INPP5F: variants seen among roughly 807,000 people sequenced by gnomAD.
INPP5F encodes the protein phosphatidylinositide 4-phosphatase SAC2.
A neutral mutation model predicts 137.2 loss-of-function variants in INPP5F; 97 were observed. The observed-to-expected ratio is 0.71, with a 90% CI of 0.60 to 0.84. The LOEUF is 0.84. INPP5F is among the 40% of genes least tolerant of loss of function. The probability of loss-of-function intolerance (pLI) is 0.00; values close to 1 mark genes in which losing one functional copy is unlikely to be tolerated. For missense variants in INPP5F, 1,271 were observed against 1,371.9 expected (o/e 0.93, Z 1.16); for synonymous variants, 504 against 476.9 (o/e 1.06, Z -0.74).
At chr10:119,808,606 G>A (rs1850897133) in intron 13 of INPP5F, among the ~76,000 whole-genome samples, 1 of 152,170 alleles carries the variant, frequency 6.6e-6, no homozygotes, top group Non-Finnish European at 1.5e-5. Flanking sequence ...CGTAAATGCG[G>A]AAGAAATGTT....
In INPP5F at chr10:119,748,420, G is replaced by A. The variant is rs570254704; in HGVS notation, c.98-2656G>A. Among the ~76,000 whole-genome samples the A allele has an allele frequency of 1.1e-4, 16 of 152,318 alleles. No homozygotes were observed. Among genetic ancestry groups the A allele is most frequent in the African/African-American group, 3.8e-4 (16 of 41,570 alleles). ...GCCCACAACCTGGTGAGCAGGGGGC[G>A]TGTTTTGGTCCTGTTTGTGTTACAG... On this transcript the variant is annotated intron_variant, in intron 1 of 19. Transcript: ENST00000650623. This position sits in a 1 kb window ranked among gnomAD's most constrained non-coding sequence, Gnocchi z 4.7.
At chr10:119,775,604 A>G (rs977925282) in intron 2 of INPP5F, among the ~76,000 whole-genome samples, 1 of 152,078 alleles carries the variant, frequency 6.6e-6, no homozygotes, top group Non-Finnish European at 1.5e-5. Flanking sequence ...CCCAAAGCCC[A>G]TGGGGTTTCT....
At position 119,810,167 on chromosome 10, in the gene INPP5F, AC is replaced by A; in HGVS notation, c.1638del (p.Asn546LysfsTer17). ...GVMKDGVNSA[N>X]RYYLNRFKDA... Reference sequence around the variant, plus strand: ...ATGAAAGATGGAGTGAACTCAGCAAACAGATATTACCTCAACCGATTTAAGG... The same window carrying A: ...ATGAAAGATGGAGTGAACTCAGCAAAAGATATTACCTCAACCGATTTAAGG... On this transcript the variant is annotated frameshift_variant, in exon 14 of 20. Coordinates refer to ENST00000650623, the MANE Select transcript of INPP5F (RefSeq NM_014937.4). LOFTEE classifies it high-confidence loss of function. The A allele has an allele frequency of 8.1e-6, 13 of 1,613,294 alleles. No homozygotes were observed. The highest frequency in any genetic ancestry group is 1.1e-5 in the Non-Finnish European group (13 of 1,179,368).
intron 2 of INPP5F, among the ~76,000 whole-genome samples, chr10:119,764,796 T>C (rs1229100036): frequency 1.3e-5 from 2 of 152,172 alleles, no homozygotes; most frequent in Non-Finnish European, 2.9e-5. Context: ...TTGGCTGGTC[T>C]TGAACTCCTG....
rs1851838253 is a variant in INPP5F at position 119,827,900 on chromosome 10, G to T, written c.*120G>T. 3 of 800,878 alleles carry T rather than the reference G, an allele frequency of 3.7e-6. No homozygotes were observed. In the African/African-American group the frequency reaches 5.2e-5, roughly 14 times the overall value. 49.6% of individuals were successfully genotyped at this position (800,878 alleles called of 1,614,324 possible). On this transcript the variant is annotated 3_prime_UTR_variant, in exon 20 of 20. Coordinates refer to ENST00000650623, the MANE Select transcript of INPP5F (RefSeq NM_014937.4). The stretch of plus-strand genomic sequence containing the variant: ...TCACAAATTCTGTTCATTGGAAAGG[G>T]TTTTAAACGGAGTCGGAACCTGAGT...
chr10:119,745,267 G>T (rs943367469), intron 1 of INPP5F, among the ~76,000 whole-genome samples: 4 of 151,730 alleles, frequency 2.6e-5, no homozygotes, highest in Non-Finnish European at 5.9e-5. Context: ...ATCTCCTCCT[G>T]TGGATTCTTC....
At chr10:119,789,425 G>A (rs961286828) in intron 3 of INPP5F, among the ~76,000 whole-genome samples, 11 of 152,106 alleles carry the variant, frequency 7.2e-5, no homozygotes, top group Non-Finnish European at 1.3e-4. Context: ...AGTAGCAGGA[G>A]ACCAAAGGGA....
In INPP5F at chr10:119,797,552, C is replaced by A. The variant is rs761237711; in HGVS notation, c.960C>A (p.Thr320=). 6.2e-7 allele frequency: 1 copy of A among 1,612,702 alleles called. No homozygotes were observed. The highest frequency in any genetic ancestry group is 2.2e-5 in the East Asian group (1 of 44,874). ...TEQLIHVHNH[T]LSFVQTRGSV... ...AGTTGATTCATGTTCATAATCATACCCTGTCATTTGTTCAAACACGAGGCT... is the reference window on the plus strand; with the variant it reads ...AGTTGATTCATGTTCATAATCATACACTGTCATTTGTTCAAACACGAGGCT... The change falls in exon 8 of 20, where the codon ACC becomes ACA. Residue 320 remains threonine, a synonymous_variant. Coordinates refer to ENST00000650623, the MANE Select transcript of INPP5F (RefSeq NM_014937.4).
chr10:119,790,350 G>T (rs1304545441), intron 3 of INPP5F, among the ~76,000 whole-genome samples: 12 of 152,150 alleles, frequency 7.9e-5, no homozygotes, highest in Non-Finnish European at 1.5e-5. Context: ...GGAGTATAAA[G>T]CTTTTCTCCC....
At chr10:119,812,756 G>A (rs541745371) in intron 15 of INPP5F, among the ~76,000 whole-genome samples, 1 of 152,238 alleles carries the variant, frequency 6.6e-6, no homozygotes, top group South Asian at 2.1e-4. Flanking sequence ...ATACTGTTAT[G>A]TATGGATATA....
intron 11 of INPP5F, 57 bp downstream of exon 11, chr10:119,805,518 A>G: frequency 8.6e-7 from 1 of 1,165,974 alleles, no homozygotes; most frequent in East Asian, 2.3e-5. Context: ...AAATAGTACC[A>G]CTGAGCATTA....
Position 119,804,272 on chromosome 10 carries a change from G to A in INPP5F, c.1216G>A (p.Val406Ile), listed in dbSNP as rs757576411. 2.6e-5 allele frequency: 42 copies of A among 1,611,514 alleles called. No individual in the cohort carries two copies. Among genetic ancestry groups the A allele is most frequent in the Non-Finnish European group, 3.2e-5 (38 of 1,179,456 alleles). The change falls in exon 10 of 20, where the codon GTT (valine) becomes ATT (isoleucine). Residue 406 changes from valine (V) to isoleucine (I), a missense_variant. Val to Ile is a conservative substitution (Grantham distance 29). This residue lies in a region of INPP5F where 593 missense variants were observed against 712.4 expected (regional missense o/e 0.83). Transcript: ENST00000650623. ...LLFNNSHLTY[V>I]SFDFHEHCRG... is the part of the protein sequence containing the mutation. ...TTTCAACAACTCACACCTCACTTAC[G>A]TTTCGTTTGACTTCCATGAGCACTG...
At chr10:119,797,435 T>C (rs1489418315) in intron 7 of INPP5F, 26 bp from the exon 8 acceptor site, 1 of 1,554,408 alleles carries the variant, frequency 6.4e-7, no homozygotes, top group East Asian at 2.3e-5. Flanking sequence ...AAAATGTTGC[T>C]GTTTTCTGTT....
chr10:119,781,884 T>C, intron 3 of INPP5F, 113 bp downstream of exon 3: 1 of 821,956 alleles, frequency 1.2e-6, no homozygotes, highest in Non-Finnish European at 1.8e-6. Flanking sequence ...GTAATGTTTT[T>C]AAAATAATTT....
intron 1 of INPP5F, 88 bp from the exon 2 acceptor site, chr10:119,750,988 G>T (rs1354085656): frequency 2.3e-6 from 2 of 860,954 alleles, no homozygotes; most frequent in South Asian, 1.4e-5. Context: ...TTGGGACATT[G>T]ATTTTTTTTC....
chr10:119,795,448 G>A (rs1257205285), intron 6 of INPP5F, among the ~76,000 whole-genome samples: 2 of 151,066 alleles, frequency 1.3e-5, no homozygotes, highest in Non-Finnish European at 3.0e-5. Context: ...TGGGGCGGCA[G>A]GGCAGAGGTG....
chr10:119,826,120 G>A (rs1851748468), intron 19 of INPP5F: 1 of 396,818 alleles, frequency 2.5e-6, no homozygotes, highest in South Asian at 1.4e-4. Context: ...CCTTAGTTAA[G>A]GTGCTGCAGA....
At chr10:119,769,545 T>G (rs1849274763) in intron 2 of INPP5F, among the ~76,000 whole-genome samples, 2 of 152,188 alleles carry the variant, frequency 1.3e-5, no homozygotes, top group South Asian at 4.1e-4. Flanking sequence ...CTTGGCGTTT[T>G]GAGTTGGTGG....
Position 119,791,860 on chromosome 10 carries a change from T to G in INPP5F, c.445-9T>G, listed in dbSNP as rs1564832941. ...ATTTCTGTAGTAATAGTAGATTAAT[T>G]TCTTATAGGTTAAGGAAAGTAAAGA... On this transcript the variant is annotated splice_polypyrimidine_tract_variant and intron_variant, in intron 4 of 19. Transcript: ENST00000650623. 1 of 1,571,144 alleles carries G rather than the reference T, an allele frequency of 6.4e-7. No homozygotes were observed.
Sources: gnomAD v4.1 joint callset for allele counts (sites outside exome capture counted in the v4.1 genomes callset) on GRCh38, gnomAD v4.1.1 for gene constraint, gnomAD v4.1.1 regional missense constraint, Gnocchi (gnomAD v3.1) non-coding constraint, MANE v1.5 for transcripts, NCBI Gene and HGNC (gene_info 2026-07-23, HGNC 2026-07-21) for gene names.